Variants in OPCML observed in about 807,000 individuals in gnomAD.
The protein encoded by OPCML is opioid-binding protein/cell adhesion molecule.
OPCML carries 13 observed loss-of-function variants against 37.8 expected under a neutral mutation model. The ratio of observed to expected loss-of-function variants is 0.34; its 90% CI spans 0.22 to 0.55. The LOEUF is 0.55. OPCML is among the 20% of genes least tolerant of loss of function. The probability of loss-of-function intolerance (pLI) is 0.91; values close to 1 mark genes in which losing one functional copy is unlikely to be tolerated. For missense variants in OPCML, 341 were observed against 435.6 expected (o/e 0.78, Z 1.93); for synonymous variants, 176 against 168.8 (o/e 1.04, Z -0.33).
rs144887630 is a variant in OPCML, at chr11:133,313,969, C to T, written c.61+218295G>A. On this transcript the variant is annotated intron_variant, in intron 1 of 7. Coordinates refer to ENST00000524381, the MANE Select transcript of OPCML (RefSeq NM_001012393.5). ...TACGATTTCAGGCTGGGCGCAGTGG[C>T]TCACGCCTGTAATCCCAGCACTTTG... 6.3e-3 allele frequency among the ~76,000 whole-genome samples: 952 copies of T among 152,264 alleles called. 9 individuals carry two copies. Among genetic ancestry groups the T allele is most frequent in the African/African-American group, 0.022 (913 of 41,550 alleles).
At chr11:132,999,710 C>T (rs1365962470) in intron 1 of OPCML, among the ~76,000 whole-genome samples, 2 of 152,140 alleles carry the variant, frequency 1.3e-5, no homozygotes, top group Non-Finnish European at 1.5e-5. Context: ...AACTCCGGCG[C>T]CAAGGAGGCT....
intron 1 of OPCML, among the ~76,000 whole-genome samples, chr11:133,207,204 G>C (rs1939111434): frequency 6.6e-6 from 1 of 151,964 alleles, no homozygotes; most frequent in East Asian, 1.9e-4. Flanking sequence ...GGAGGCTGAG[G>C]CAGGAGAATG....
intron 1 of OPCML, among the ~76,000 whole-genome samples, chr11:133,080,474 GTT>G (rs34982227): frequency 0.3 from 38,241 of 129,256 alleles, 6,135 homozygotes; most frequent in Non-Finnish European, 0.4. Context: ...GTAATCAAAT[GTT>G]TTTTTTTTTT....
At chr11:132,938,713 A>G (rs1945475932) in intron 2 of OPCML, among the ~76,000 whole-genome samples, 1 of 152,180 alleles carries the variant, frequency 6.6e-6, no homozygotes, top group Admixed American at 6.5e-5. Flanking sequence ...AGGCCCCCAG[A>G]CACAGAGCTT....
intron 1 of OPCML, among the ~76,000 whole-genome samples, chr11:133,088,488 C>T (rs897624469): frequency 1.3e-5 from 2 of 152,144 alleles, no homozygotes; most frequent in Admixed American, 6.5e-5. Flanking sequence ...ACACTGCCCT[C>T]GCCAATATCT....
chr11:133,009,901 C>G (rs910748322), intron 1 of OPCML, among the ~76,000 whole-genome samples: 5 of 152,166 alleles, frequency 3.3e-5, no homozygotes, highest in Non-Finnish European at 5.9e-5. Flanking sequence ...CCTGGGATAT[C>G]TACTGTCTTC....
At chr11:133,319,666 C>T (rs940416100) in intron 1 of OPCML, among the ~76,000 whole-genome samples, 4 of 152,292 alleles carry the variant, frequency 2.6e-5, no homozygotes, top group East Asian at 1.9e-4. Context: ...GCTGTAAGTC[C>T]GAGCCTGTCT....
At chr11:132,707,686 C>T (rs980178297) in intron 2 of OPCML, among the ~76,000 whole-genome samples, 3 of 152,104 alleles carry the variant, frequency 2.0e-5, no homozygotes, top group Non-Finnish European at 4.4e-5. Flanking sequence ...CACTAGCAGG[C>T]CTTATGGGTA....
chr11:132,982,791 C>G (rs767864968), intron 1 of OPCML, among the ~76,000 whole-genome samples: 5 of 152,160 alleles, frequency 3.3e-5, no homozygotes, highest in Non-Finnish European at 5.9e-5. Flanking sequence ...ACTTTTTAAA[C>G]AATCAGCCTC....
intron 3 of OPCML, among the ~76,000 whole-genome samples, chr11:132,609,094 C>T (rs1314142564): frequency 6.6e-6 from 1 of 151,574 alleles, no homozygotes; most frequent in African/African-American, 2.4e-5. Flanking sequence ...AGAACTGACC[C>T]ATCACTTCTT....
At chr11:132,726,828 C>T (rs374208986) in intron 2 of OPCML, among the ~76,000 whole-genome samples, 1 of 152,172 alleles carries the variant, frequency 6.6e-6, no homozygotes, top group African/African-American at 2.4e-5. Context: ...ATCCAACAGA[C>T]GTAAAGGACA....
At chr11:133,128,298 C>T (rs1238004848) in intron 1 of OPCML, among the ~76,000 whole-genome samples, 1 of 152,192 alleles carries the variant, frequency 6.6e-6, no homozygotes, top group Non-Finnish European at 1.5e-5. Flanking sequence ...CATTGCTCTT[C>T]TGACAGTTGT....
chr11:132,768,939 G>C (rs1022095407), intron 2 of OPCML, among the ~76,000 whole-genome samples: 1 of 152,126 alleles, frequency 6.6e-6, no homozygotes, highest in African/African-American at 2.4e-5. Context: ...AAATCGTAAA[G>C]AGCAGCTTGT....
intron 1 of OPCML, among the ~76,000 whole-genome samples, chr11:133,215,192 G>A (rs1939531420): frequency 6.7e-6 from 1 of 148,830 alleles, no homozygotes; most frequent in African/African-American, 2.6e-5. Context: ...CACATTTTAA[G>A]AGAGAGAGAG....
chr11:133,497,798 C>A (rs1204354035), intron 1 of OPCML, among the ~76,000 whole-genome samples: 1 of 152,204 alleles, frequency 6.6e-6, no homozygotes, highest in Non-Finnish European at 1.5e-5. Flanking sequence ...AAGGAAGAGG[C>A]TATCTGCTTG....
At chr11:132,895,606 G>A (rs934538072) in intron 2 of OPCML, among the ~76,000 whole-genome samples, 27 of 152,200 alleles carry the variant, frequency 1.8e-4, no homozygotes, top group Admixed American at 1.8e-3. Flanking sequence ...TGTGTGGGAG[G>A]GCTCTGATGA....
At position 132,659,704 on chromosome 11, in the gene OPCML, C is replaced by CTGTGTGTGTGTGTGTG. The variant is rs58318033; in HGVS notation, c.147-2401_147-2386dup. On this transcript the variant is annotated intron_variant, in intron 2 of 7. Transcript: ENST00000524381. The stretch of plus-strand genomic sequence containing the variant: ...AAAATTTTTTTAAGTCACAAAATTC[C>CTGTGTGTGTGTGTGTG]TGTGTGTGTGTGTGTGTGTGTGTGT... Among the ~76,000 whole-genome samples the CTGTGTGTGTGTGTGTG allele has an allele frequency of 6.0e-4, 89 of 147,330 alleles. 1 individual carries two copies. Among genetic ancestry groups the CTGTGTGTGTGTGTGTG allele is most frequent in the Middle Eastern group, 3.5e-3 (1 of 284 alleles).
chr11:132,463,715 T>A (rs945209523), intron 4 of OPCML, among the ~76,000 whole-genome samples: 2 of 152,206 alleles, frequency 1.3e-5, no homozygotes, highest in Non-Finnish European at 2.9e-5. Flanking sequence ...GCTAGATAAA[T>A]AGTCCCCAAA....
chr11:133,183,074 A>C (rs541543877), intron 1 of OPCML, among the ~76,000 whole-genome samples: 11 of 152,282 alleles, frequency 7.2e-5, no homozygotes, highest in African/African-American at 2.4e-4. Context: ...AATATGAATA[A>C]AATCTCATTA....
Sources: allele counts gnomAD v4.1 joint callset (sites outside exome capture counted in the v4.1 genomes callset), GRCh38; gene constraint gnomAD v4.1.1; transcripts MANE v1.5; gene names NCBI Gene and HGNC (gene_info 2026-07-23, HGNC 2026-07-21).